Variants in CTNNA3 observed in about 807,000 individuals in gnomAD.
The protein encoded by CTNNA3 is catenin alpha-3.
Under a neutral mutation model 95.7 loss-of-function variants are expected in CTNNA3, and 76 were observed. The observed-to-expected ratio is 0.79, with a 90% CI of 0.66 to 0.96. The LOEUF (loss-of-function observed/expected upper bound fraction) is 0.96, where lower values mean the gene tolerates loss of function less well. Among genes scored for constraint, CTNNA3 ranks in the 40% least tolerant of loss-of-function variants. CTNNA3 has a pLI of 0.00. For synonymous variants in CTNNA3, 431 were observed against 374.4 expected, an observed-to-expected ratio of 1.15 and a Z score of -1.74; for missense variants, 1,191 against 1,089.8, an observed-to-expected ratio of 1.09 and a Z score of -1.31.
rs974513085 is a variant in CTNNA3 at position 65,914,825 on chromosome 10, C to A, written c.*5505G>T. 3.9e-5 allele frequency: 6 copies of A among 152,248 alleles called. No individual in the cohort carries two copies. Among genetic ancestry groups the A allele is most frequent in the African/African-American group, 1.2e-4 (5 of 41,554 alleles). 9.4% of individuals were successfully genotyped at this position (152,248 alleles called of 1,614,324 possible). Reference sequence around the variant, plus strand: ...AATAACTTACTTCCCATGTACCTGACACTCTACATTCAGTTAATAGAGGTG... The same window carrying A: ...AATAACTTACTTCCCATGTACCTGAAACTCTACATTCAGTTAATAGAGGTG... On this transcript the variant is annotated 3_prime_UTR_variant, in exon 18 of 18. Transcript: ENST00000433211.
intron 1 of CTNNA3, among the ~76,000 whole-genome samples, chr10:67,754,658 C>T (rs1479927803): frequency 2.0e-5 from 3 of 152,144 alleles, no homozygotes; most frequent in Non-Finnish European, 4.4e-5. Context: ...CTCAAAAGCA[C>T]AGGCAACCAA....
Position 67,391,239 on chromosome 10 carries a change from C to T in CTNNA3, c.579+130603G>A, listed in dbSNP as rs1844467975. On this transcript the variant is annotated intron_variant, in intron 5 of 17. Transcript: ENST00000433211. The stretch of plus-strand genomic sequence containing the variant: ...ATACAAAATCAATGTACAAAAATCA[C>T]AAGCATTCTTATACACCAACAACAG... Among the ~76,000 whole-genome samples the T allele has an allele frequency of 2.0e-5, 3 of 152,064 alleles. No homozygotes were observed. In the South Asian group the frequency reaches 6.2e-4, roughly 32 times the overall value.
intron 13 of CTNNA3, among the ~76,000 whole-genome samples, chr10:66,222,876 G>T (rs759447308): frequency 7.9e-5 from 12 of 152,084 alleles, no homozygotes; most frequent in Non-Finnish European, 1.5e-4. Context: ...TTTCTATAAG[G>T]TTATTCTCTT....
chr10:66,646,956 C>G (rs1845726773), intron 9 of CTNNA3, among the ~76,000 whole-genome samples: 1 of 151,804 alleles, frequency 6.6e-6, no homozygotes, highest in Non-Finnish European at 1.5e-5. Context: ...ACCTCTTATT[C>G]TGACACTTTG....
At chr10:65,997,797 A>G (rs1307073738) in intron 15 of CTNNA3, among the ~76,000 whole-genome samples, 2 of 152,126 alleles carry the variant, frequency 1.3e-5, no homozygotes, top group Admixed American at 6.5e-5. Flanking sequence ...TGGGTGGATC[A>G]CCTGAGGTCG....
At chr10:66,481,826 G>A (rs9732528) in intron 11 of CTNNA3, among the ~76,000 whole-genome samples, 9,048 of 151,440 alleles carry the variant, frequency 0.06, 581 homozygotes, top group African/African-American at 0.16. Context: ...ATATAATCAC[G>A]ACATGGTAGG....
intron 1 of CTNNA3, among the ~76,000 whole-genome samples, chr10:67,686,374 G>C (rs929340395): frequency 1.3e-5 from 2 of 152,176 alleles, no homozygotes; most frequent in East Asian, 1.9e-4. Flanking sequence ...ATTAGCTAAG[G>C]GGACTTCTAA....
chr10:66,008,692 AG>A (rs1427139330), intron 15 of CTNNA3, among the ~76,000 whole-genome samples: 1 of 152,260 alleles, frequency 6.6e-6, no homozygotes, highest in Non-Finnish European at 1.5e-5. Flanking sequence ...AAAGAGATCA[AG>A]TAAAGATAAA....
chr10:66,434,598 C>A (rs540732265), intron 11 of CTNNA3, among the ~76,000 whole-genome samples: 1 of 152,132 alleles, frequency 6.6e-6, no homozygotes, highest in East Asian at 1.9e-4. Flanking sequence ...CAAACAGAGA[C>A]AATTTGACCT....
intron 13 of CTNNA3, among the ~76,000 whole-genome samples, chr10:66,271,789 C>T (rs2091287495): frequency 1.3e-5 from 2 of 152,144 alleles, no homozygotes; most frequent in African/African-American, 4.8e-5. Flanking sequence ...TGGTGTTGAC[C>T]CTTTGGTGAA....
At chr10:67,117,393 C>T (rs1859238208) in intron 7 of CTNNA3, among the ~76,000 whole-genome samples, 1 of 151,982 alleles carries the variant, frequency 6.6e-6, no homozygotes, top group Non-Finnish European at 1.5e-5. Context: ...CTTTCCTGTT[C>T]CAGTTTGATG....
At chr10:66,703,827 A>C (rs1346916799) in intron 9 of CTNNA3, among the ~76,000 whole-genome samples, 1 of 152,188 alleles carries the variant, frequency 6.6e-6, no homozygotes, top group East Asian at 1.9e-4. Flanking sequence ...GTGATGTTTC[A>C]TTAGCATTAT....
intron 7 of CTNNA3, among the ~76,000 whole-genome samples, chr10:66,941,590 C>T (rs1468131319): frequency 6.6e-6 from 1 of 152,086 alleles, no homozygotes; most frequent in African/African-American, 2.4e-5. Flanking sequence ...AAATCAAAGG[C>T]CATAAAAGCT....
intron 11 of CTNNA3, among the ~76,000 whole-genome samples, chr10:66,404,840 C>G (rs573819820): frequency 1.8e-4 from 27 of 151,936 alleles, no homozygotes; most frequent in African/African-American, 5.6e-4. Flanking sequence ...TGGCCCAACA[C>G]TTCTTCTTCC....
chr10:66,266,294 C>T (rs777490283), intron 13 of CTNNA3, among the ~76,000 whole-genome samples: 12 of 151,936 alleles, frequency 7.9e-5, no homozygotes, highest in South Asian at 2.1e-4. Context: ...TACTATAACA[C>T]GTAGCTGAGA....
At chr10:66,729,561 T>A (rs1256684991) in intron 9 of CTNNA3, among the ~76,000 whole-genome samples, 1 of 144,186 alleles carries the variant, frequency 6.9e-6, no homozygotes, top group African/African-American at 2.5e-5. Context: ...AAACATTGTA[T>A]GTTCTCACTT....
At chr10:66,983,141 G>A (rs775150434) in intron 7 of CTNNA3, among the ~76,000 whole-genome samples, 3 of 152,138 alleles carry the variant, frequency 2.0e-5, no homozygotes, top group Non-Finnish European at 4.4e-5. Flanking sequence ...AAAAACTAAT[G>A]AGCAAATTTT....
At chr10:67,435,320 T>C (rs778992960) in intron 5 of CTNNA3, among the ~76,000 whole-genome samples, 1 of 151,892 alleles carries the variant, frequency 6.6e-6, no homozygotes, top group Non-Finnish European at 1.5e-5. Context: ...AAAGACTGAA[T>C]TTGAACATAC....
At chr10:67,405,510 T>C (rs1005034321) in intron 5 of CTNNA3, among the ~76,000 whole-genome samples, 12 of 152,284 alleles carry the variant, frequency 7.9e-5, no homozygotes, top group Admixed American at 6.5e-4. Flanking sequence ...CCTAAATATA[T>C]GTGCACCCAA....
Sources: allele counts gnomAD v4.1 joint callset (sites outside exome capture counted in the v4.1 genomes callset), GRCh38; gene constraint gnomAD v4.1.1; transcripts MANE v1.5; gene names NCBI Gene and HGNC (gene_info 2026-07-23, HGNC 2026-07-21).